COL11A1: variants seen among roughly 807,000 people sequenced by gnomAD.
The protein encoded by COL11A1 is collagen alpha-1(XI) chain.
COL11A1 carries 74 observed loss-of-function variants against 265.2 expected under a neutral mutation model. The observed-to-expected ratio is 0.28, with a 90% CI of 0.23 to 0.34. The LOEUF (loss-of-function observed/expected upper bound fraction) is 0.34, where lower values mean the gene tolerates loss of function less well. COL11A1 is among the 10% of genes least tolerant of loss of function. The pLI is 1.00. For synonymous variants in COL11A1, 816 were observed against 727.6 expected (o/e 1.12, Z -1.96); for missense variants, 2,165 against 2,263.6 (o/e 0.96, Z 0.88).
intron 28 of COL11A1, among the ~76,000 whole-genome samples, chr1:102,993,479 A>T (rs926415653): frequency 6.6e-6 from 1 of 152,150 alleles, no homozygotes; most frequent in Non-Finnish European, 1.5e-5. Flanking sequence ...GATAATACCT[A>T]AGAAAATCTA....
intron 54 of COL11A1, among the ~76,000 whole-genome samples, chr1:102,910,830 G>A (rs1654582506): frequency 6.6e-6 from 1 of 152,010 alleles, no homozygotes; most frequent in Non-Finnish European, 1.5e-5. Context: ...TGACTGCATT[G>A]TTCTACTAAC....
chr1:103,081,916 T>G (rs1054331807), intron 2 of COL11A1, among the ~76,000 whole-genome samples: 1 of 152,056 alleles, frequency 6.6e-6, no homozygotes, highest in South Asian at 2.1e-4. Context: ...CTCTGTGAAA[T>G]TCAGTTTCCT....
intron 4 of COL11A1, among the ~76,000 whole-genome samples, chr1:103,042,415 A>T (rs1181300449): frequency 2.0e-5 from 3 of 152,094 alleles, no homozygotes. Flanking sequence ...TTTTTCTTTT[A>T]AATAAAGGAA....
chr1:103,001,948 G>A lies in COL11A1; in HGVS notation c.2119C>T (p.Pro707Ser), dbSNP rs1665147145. 1 of 1,613,134 alleles carries A rather than the reference G, an allele frequency of 6.2e-7. No homozygotes were observed. The highest frequency in any genetic ancestry group is 1.3e-5 in the African/African-American group (1 of 74,888). ...GPQGLPGPQGPIGPPGEKGPQ... is the reference protein window; with the variant it reads ...GPQGLPGPQGSIGPPGEKGPQ... ...ACTTTTTCACCAGGAGGACCAATTG[G>A]ACCTTGTGGACCAGGAAGACCCTAT... The change falls in exon 24 of 67, where the codon CCA (proline) becomes TCA (serine). Residue 707 changes from proline to serine, a missense_variant. Transcript: ENST00000370096.
intron 41 of COL11A1, among the ~76,000 whole-genome samples, chr1:102,950,331 T>C (rs1313992953): frequency 6.6e-6 from 1 of 151,836 alleles, no homozygotes; most frequent in East Asian, 1.9e-4. Flanking sequence ...TATAAGTTTA[T>C]TTGTAATTTT....
chr1:103,007,675 T>G (rs113491456), intron 15 of COL11A1, among the ~76,000 whole-genome samples: 4,638 of 151,942 alleles, frequency 0.031, 266 homozygotes, highest in African/African-American at 0.11. Context: ...CTGGGCAACA[T>G]GGTGAAACCC....
intron 46 of COL11A1, among the ~76,000 whole-genome samples, chr1:102,927,825 C>A (rs923699848): frequency 6.6e-6 from 1 of 152,124 alleles, no homozygotes; most frequent in Non-Finnish European, 1.5e-5. Context: ...AATAATCGAT[C>A]TTAAATGATC....
At chr1:102,879,952 C>G (rs754513405) in intron 65 of COL11A1, 36 bp from the exon 66 acceptor site, 3 of 1,314,320 alleles carry the variant, frequency 2.3e-6, no homozygotes, top group African/African-American at 2.9e-5. Context: ...CCTAATGACT[C>G]TTTTCCTCTT....
intron 57 of COL11A1, 149 bp from the exon 58 acceptor site, chr1:102,890,653 A>C: frequency 1.7e-6 from 1 of 579,590 alleles, no homozygotes; most frequent in Non-Finnish European, 3.0e-6. Flanking sequence ...TAAGGCTTCT[A>C]AGTAAATTTA....
At chr1:102,937,518 T>C (rs927952960) in intron 44 of COL11A1, among the ~76,000 whole-genome samples, 2 of 152,184 alleles carry the variant, frequency 1.3e-5, no homozygotes, top group Non-Finnish European at 2.9e-5. Context: ...GTGTTTTGGT[T>C]CTTAAGGTGG....
chr1:103,022,076 G>A (rs1221933615), intron 8 of COL11A1, among the ~76,000 whole-genome samples: 4 of 150,114 alleles, frequency 2.7e-5, no homozygotes, highest in African/African-American at 9.8e-5. Context: ...AGCTGGTTTA[G>A]AATGCCTGAG....
At chr1:103,018,382 A>G (rs897171934) in intron 10 of COL11A1, among the ~76,000 whole-genome samples, 1 of 152,190 alleles carries the variant, frequency 6.6e-6, no homozygotes, top group African/African-American at 2.4e-5. Flanking sequence ...TCACCTGAGA[A>G]TAAACACACT....
At chr1:103,037,522 T>C (rs1668470840) in intron 4 of COL11A1, among the ~76,000 whole-genome samples, 1 of 152,120 alleles carries the variant, frequency 6.6e-6, no homozygotes, top group South Asian at 2.1e-4. Flanking sequence ...GATACTGTCT[T>C]GTTCAATTCC....
chr1:102,883,537 C>G (rs1650540671), intron 63 of COL11A1, among the ~76,000 whole-genome samples: 1 of 152,114 alleles, frequency 6.6e-6, no homozygotes, highest in African/African-American at 2.4e-5. Context: ...ACCTGGAATA[C>G]CTTTTTAAAA....
chr1:103,062,914 A>T (rs892182081), intron 4 of COL11A1, among the ~76,000 whole-genome samples: 3 of 152,056 alleles, frequency 2.0e-5, no homozygotes, highest in African/African-American at 7.2e-5. Flanking sequence ...CAAGGTATAT[A>T]AAACATCAAT....
rs1649555405 is a variant in COL11A1 at position 102,876,831 on chromosome 1, AC to A, written c.*1187del. ...TTTAGATTTTCCTGAATGACTTAAA[AC>A]AAATACTCTTAATAACAGTCCACCA... On this transcript the variant is annotated 3_prime_UTR_variant, in exon 67 of 67. Coordinates refer to ENST00000370096, the MANE Select transcript of COL11A1 (RefSeq NM_001854.4). 1 of 152,228 alleles carries A rather than the reference AC, an allele frequency of 6.6e-6. No homozygotes were observed. Among genetic ancestry groups the A allele is most frequent in the East Asian group, 1.9e-4 (1 of 5,196 alleles). The allele number at this position is 152,228 out of a possible 1,614,324, so 9.4% of individuals were successfully genotyped here. A position where few individuals can be genotyped will look rare whatever the true frequency, so the allele number is the denominator to read the frequency against.
chr1:103,017,842 G>A lies in COL11A1; in HGVS notation c.1391C>T (p.Pro464Leu). The A allele has an allele frequency of 6.2e-7, 1 of 1,612,994 alleles. No individual in the cohort carries two copies. Among genetic ancestry groups the A allele is most frequent in the Non-Finnish European group, 8.5e-7 (1 of 1,179,244 alleles). ...GPPGLQGPTG[P>L]PGDPGDRGPP... Reference sequence around the variant, plus strand: ...TACCCTATCGCCAGGGTCACCAGGGGGTCCAGTGGGGCCTTGTAGACCTGG... The same window carrying A: ...TACCCTATCGCCAGGGTCACCAGGGAGTCCAGTGGGGCCTTGTAGACCTGG... Residue 464 changes from proline to leucine, a missense_variant, in exon 11 of 67, where the codon CCC (proline) becomes CTC (leucine). Physicochemically the swap from Pro to Leu is moderately conservative, Grantham distance 98. Coordinates refer to ENST00000370096, the MANE Select transcript of COL11A1 (RefSeq NM_001854.4).
Position 102,924,175 on chromosome 1 carries a change from C to T in COL11A1, c.3601-786G>A, listed in dbSNP as rs191306300. Among the ~76,000 whole-genome samples the T allele has an allele frequency of 3.9e-3, 600 of 152,156 alleles. 5 individuals are homozygous for T. The highest frequency in any genetic ancestry group is 0.014 in the African/African-American group (566 of 41,516). On this transcript the variant is annotated intron_variant, in intron 46 of 66. Coordinates refer to ENST00000370096, the MANE Select transcript of COL11A1 (RefSeq NM_001854.4). The stretch of plus-strand genomic sequence containing the variant: ...GGTGGAGCTTGCAGTGAACCAAGAT[C>T]GTGCCACTGCACTCCAACCTGGGTG...
chr1:102,979,564 A>G (rs758031836), intron 31 of COL11A1, 129 bp from the exon 32 acceptor site: 1 of 736,284 alleles, frequency 1.4e-6, no homozygotes, highest in South Asian at 1.5e-5. Flanking sequence ...AGAAATTTTA[A>G]GATATCATCG....
Sources: allele counts gnomAD v4.1 joint callset (sites outside exome capture counted in the v4.1 genomes callset), GRCh38; gene constraint gnomAD v4.1.1; transcripts MANE v1.5; gene names NCBI Gene and HGNC (gene_info 2026-07-23, HGNC 2026-07-21).